NELL1: variants seen among roughly 807,000 people sequenced by gnomAD.
NELL1 encodes neural EGFL like 1, also known as protein kinase C-binding protein NELL1.
In NELL1, 76 loss-of-function variants were observed where a neutral mutation model predicts 107.4. That is an observed-to-expected ratio of 0.71 (90% CI 0.59 to 0.86). The LOEUF (loss-of-function observed/expected upper bound fraction) is 0.86. Among genes scored for constraint, NELL1 ranks in the 40% least tolerant of loss-of-function variants. The probability of loss-of-function intolerance (pLI) is 0.00; values close to 1 mark genes in which losing one functional copy is unlikely to be tolerated. For missense variants in NELL1, 1,024 were observed against 1,005.5 expected (o/e 1.02, Z -0.25); for synonymous variants, 353 against 341.2 (o/e 1.03, Z -0.38).
At chr11:21,492,981 A>T (rs1049704904) in intron 15 of NELL1, among the ~76,000 whole-genome samples, 1 of 152,138 alleles carries the variant, frequency 6.6e-6, no homozygotes, top group South Asian at 2.1e-4. Flanking sequence ...ATGTATGAAA[A>T]AATGCTCAAT....
chr11:21,242,575 T>C (rs562845208), intron 14 of NELL1, among the ~76,000 whole-genome samples: 1 of 152,244 alleles, frequency 6.6e-6, no homozygotes, highest in East Asian at 1.9e-4. Context: ...GCTGCATTAT[T>C]GTTTGTAGAA....
chr11:21,231,387 C>T (rs181772708), intron 14 of NELL1, among the ~76,000 whole-genome samples: 183 of 152,104 alleles, frequency 1.2e-3, no homozygotes, highest in Non-Finnish European at 2.1e-3. Flanking sequence ...AATATTTGTG[C>T]GTATTTTTTC....
At chr11:20,670,955 C>T (rs914323551) in intron 1 of NELL1, among the ~76,000 whole-genome samples, 10 of 152,254 alleles carry the variant, frequency 6.6e-5, no homozygotes, top group African/African-American at 2.4e-4. Context: ...AAGTTCCCTC[C>T]GCTTGCGCCC....
chr11:20,738,529 T>G, intron 2 of NELL1, among the ~76,000 whole-genome samples: 1 of 152,190 alleles, frequency 6.6e-6, no homozygotes, highest in East Asian at 1.9e-4. Flanking sequence ...GCTGTTTGTG[T>G]TCACGTTAGA....
chr11:20,861,076 C>A (rs1288933345), intron 4 of NELL1, among the ~76,000 whole-genome samples: 2 of 152,100 alleles, frequency 1.3e-5, no homozygotes, highest in Admixed American at 1.3e-4. Context: ...TTGGTGTAGC[C>A]TTAGTGTGAA....
At chr11:21,326,834 T>C (rs1850153988) in intron 14 of NELL1, among the ~76,000 whole-genome samples, 1 of 152,208 alleles carries the variant, frequency 6.6e-6, no homozygotes, top group South Asian at 2.1e-4. Context: ...TGAATATCTC[T>C]GTCTTATGAT....
chr11:20,732,194 A>G (rs966543092), intron 2 of NELL1, among the ~76,000 whole-genome samples: 3 of 151,994 alleles, frequency 2.0e-5, no homozygotes, highest in Non-Finnish European at 2.9e-5. Context: ...CACTGGGCCC[A>G]CTTGCTACCA....
At chr11:20,810,997 G>A (rs1857491249) in intron 3 of NELL1, among the ~76,000 whole-genome samples, 1 of 152,028 alleles carries the variant, frequency 6.6e-6, no homozygotes, top group Non-Finnish European at 1.5e-5. Context: ...GAAGGCTTTA[G>A]TTTGATACAA....
At chr11:21,013,596 G>A (rs1006679488) in intron 12 of NELL1, among the ~76,000 whole-genome samples, 1 of 152,158 alleles carries the variant, frequency 6.6e-6, no homozygotes, top group Admixed American at 6.5e-5. Flanking sequence ...CTTTTTTAAT[G>A]AGCTTCTTAT....
chr11:21,124,136 T>G (rs556254252), intron 13 of NELL1, among the ~76,000 whole-genome samples: 16 of 152,284 alleles, frequency 1.1e-4, no homozygotes, highest in South Asian at 2.1e-4. Flanking sequence ...ATTTTCTAAA[T>G]TTTCTGTAGA....
chr11:20,986,629 T>A (rs1450803594), intron 12 of NELL1, among the ~76,000 whole-genome samples: 1 of 152,208 alleles, frequency 6.6e-6, no homozygotes, highest in African/African-American at 2.4e-5. Flanking sequence ...TTGGCATTTC[T>A]AACAAGTTCC....
At chr11:21,160,137 G>A in intron 13 of NELL1, among the ~76,000 whole-genome samples, 1 of 152,186 alleles carries the variant, frequency 6.6e-6, no homozygotes, top group East Asian at 1.9e-4. Context: ...AGAATACAAA[G>A]AGAGCATATG....
rs945097058 is a variant in NELL1 at position 21,326,749 on chromosome 11, T to C, written c.1550-44104T>C. ...TTAAATATTTTCACTGATTATAGAA[T>C]TATAGACTACTTTTTTTTCTTAAGA... On this transcript the variant is annotated intron_variant, in intron 14 of 19. Transcript: ENST00000357134. Among the ~76,000 whole-genome samples, 15 of 152,054 alleles carry C rather than the reference T, an allele frequency of 9.9e-5. No homozygotes were observed. In the East Asian group the frequency reaches 2.9e-3, roughly 29 times the overall value.
chr11:21,060,265 T>A (rs997018466), intron 12 of NELL1, among the ~76,000 whole-genome samples: 4 of 152,218 alleles, frequency 2.6e-5, no homozygotes, highest in African/African-American at 9.6e-5. Context: ...ACTTAACCTC[T>A]ATGAGTCTCG....
chr11:20,996,149 T>A (rs1245302982), intron 12 of NELL1, among the ~76,000 whole-genome samples: 1 of 152,216 alleles, frequency 6.6e-6, no homozygotes, highest in Non-Finnish European at 1.5e-5. Context: ...TGATTATAGG[T>A]CCTTGGATCT....
At chr11:21,125,552 T>G (rs536179247) in intron 13 of NELL1, among the ~76,000 whole-genome samples, 2 of 152,302 alleles carry the variant, frequency 1.3e-5, no homozygotes, top group South Asian at 2.1e-4. Context: ...GACATAAAAT[T>G]TACATTTAAG....
intron 14 of NELL1, among the ~76,000 whole-genome samples, chr11:21,252,015 A>T (rs1173298216): frequency 6.6e-6 from 1 of 152,174 alleles, no homozygotes; most frequent in African/African-American, 2.4e-5. Flanking sequence ...TAATGGACAC[A>T]TATGGAGTGT....
chr11:21,547,878 G>T (rs1856482150), intron 16 of NELL1, among the ~76,000 whole-genome samples: 1 of 151,856 alleles, frequency 6.6e-6, no homozygotes, highest in Non-Finnish European at 1.5e-5. Context: ...CACGTAGTGA[G>T]TAGCAATTTC....
intron 15 of NELL1, among the ~76,000 whole-genome samples, chr11:21,442,809 A>G (rs1853317503): frequency 6.6e-6 from 1 of 152,168 alleles, no homozygotes; most frequent in African/African-American, 2.4e-5. Context: ...GAGTTTACCT[A>G]AGTGAGGGGC....
Sources: gnomAD v4.1 joint callset for allele counts (sites outside exome capture counted in the v4.1 genomes callset) on GRCh38, gnomAD v4.1.1 for gene constraint, MANE v1.5 for transcripts, NCBI Gene and HGNC (gene_info 2026-07-23, HGNC 2026-07-21) for gene names.